Variants in CAAP1 observed in about 807,000 individuals in gnomAD.
CAAP1 encodes the protein caspase activity and apoptosis inhibitor 1.
CAAP1 carries 20 observed loss-of-function variants against 34.0 expected under a neutral mutation model. The ratio of observed to expected loss-of-function variants is 0.59; its 90% CI spans 0.41 to 0.86. The LOEUF (loss-of-function observed/expected upper bound fraction) is 0.86, where lower values mean the gene tolerates loss of function less well. CAAP1 is among the 40% of genes least tolerant of loss of function. CAAP1 has a pLI of 0.00. For missense variants in CAAP1, 538 were observed against 450.5 expected (o/e 1.19, Z -1.76); for synonymous variants, 213 against 166.7 (o/e 1.28, Z -2.14).
intron 4 of CAAP1, among the ~76,000 whole-genome samples, chr9:26,872,573 T>TATATATATATATATATATA (rs1563888449): frequency 8.7e-5 from 13 of 149,638 alleles, no homozygotes; most frequent in African/African-American, 3.2e-4. Flanking sequence ...TATATATATA[T>TATATATATATATATATATA]TTAGACAGAG....
chr9:26,880,895 C>CAA (rs1371816264), intron 4 of CAAP1, among the ~76,000 whole-genome samples: 3 of 152,164 alleles, frequency 2.0e-5, no homozygotes, highest in Non-Finnish European at 4.4e-5. Context: ...ACGCTGGTCT[C>CAA]AAACTCCTGA....
rs758308671 is a variant in CAAP1, at chr9:26,892,645, G to T, written c.71C>A (p.Ala24Glu). ...CAACGCGGGTACGATGTCCGGGGCCGCGAGCGCTGCGGCCGCCTCCTGACT... is the reference window on the plus strand; with the variant it reads ...CAACGCGGGTACGATGTCCGGGGCCTCGAGCGCTGCGGCCGCCTCCTGACT... ...RSSQEAAAAL[A>E]APDIVPALAS... is the part of the protein sequence containing the mutation. Residue 24 changes from alanine to glutamate, a missense_variant, in exon 1 of 6, where the codon GCG (alanine) becomes GAG (glutamate). Physicochemically the swap from Ala to Glu is moderately radical, Grantham distance 107. Coordinates refer to ENST00000333916, the MANE Select transcript of CAAP1 (RefSeq NM_024828.4). The T allele has an allele frequency of 2.5e-6, 4 of 1,608,134 alleles. No homozygotes were observed. Among genetic ancestry groups the T allele is most frequent in the Non-Finnish European group, 2.5e-6 (3 of 1,179,286 alleles).
intron 4 of CAAP1, among the ~76,000 whole-genome samples, chr9:26,874,068 G>T (rs1823354951): frequency 6.6e-6 from 1 of 151,792 alleles, no homozygotes; most frequent in Non-Finnish European, 1.5e-5. Flanking sequence ...TTAGCCGGAT[G>T]TGGTGGCAGG....
intron 4 of CAAP1, among the ~76,000 whole-genome samples, chr9:26,871,001 A>G (rs980315859): frequency 6.6e-6 from 1 of 152,154 alleles, no homozygotes; most frequent in Non-Finnish European, 1.5e-5. Flanking sequence ...TATAGAGCAC[A>G]GTAAATTTTA....
rs150593639 is a variant in CAAP1 at position 26,852,327 on chromosome 9, C to T, written c.739+8739G>A. The stretch of plus-strand genomic sequence containing the variant: ...AAAATTAGCTGGGCGTGGTGGTGTG[C>T]ACCTATAATCCCAACTACTCAGGAG... On this transcript the variant is annotated intron_variant, in intron 5 of 5. Transcript: ENST00000333916. Among the ~76,000 whole-genome samples, 1,048 of 152,052 alleles carry T rather than the reference C, an allele frequency of 6.9e-3. 9 individuals carry two copies. Among genetic ancestry groups the T allele is most frequent in the Admixed American group, 0.014 (210 of 15,268 alleles).
Position 26,892,515 on chromosome 9 carries a change from A to G in CAAP1, c.201T>C (p.Gly67=). 2 of 1,567,750 alleles carry G rather than the reference A, an allele frequency of 1.3e-6. No homozygotes were observed. Residue 67 remains glycine (G), a synonymous_variant, in exon 1 of 6, where the codon GGT becomes GGC. Transcript: ENST00000333916. ...NANFSGSVTG[G]GSGGSCWGGS... ...CGCCCCAACAGCTGCCGCCGCTCCC[A>G]CCGCCGGTGACACTTCCACTAAAAT...
chr9:26,876,062 A>G (rs1017759530), intron 4 of CAAP1, among the ~76,000 whole-genome samples: 3 of 152,214 alleles, frequency 2.0e-5, no homozygotes, highest in African/African-American at 7.2e-5. Flanking sequence ...TAAGTCCAAA[A>G]TAAGTCTTAA....
chr9:26,877,683 G>A (rs1378889841), intron 4 of CAAP1, among the ~76,000 whole-genome samples: 1 of 151,936 alleles, frequency 6.6e-6, no homozygotes, highest in Non-Finnish European at 1.5e-5. Flanking sequence ...TTGACTGGAA[G>A]GCTGCTAAAT....
intron 4 of CAAP1, among the ~76,000 whole-genome samples, chr9:26,877,677 C>T (rs1229351398): frequency 6.6e-6 from 1 of 152,066 alleles, no homozygotes; most frequent in Non-Finnish European, 1.5e-5. Context: ...GTTCTGTTGA[C>T]TGGAAGGCTG....
intron 4 of CAAP1, among the ~76,000 whole-genome samples, chr9:26,875,373 G>A (rs563727258): frequency 6.6e-6 from 1 of 152,026 alleles, no homozygotes; most frequent in Non-Finnish European, 1.5e-5. Context: ...GCAACAGAGT[G>A]AGACCCTGTC....
At chr9:26,845,032 T>C (rs1822565856) in intron 5 of CAAP1, among the ~76,000 whole-genome samples, 1 of 152,248 alleles carries the variant, frequency 6.6e-6, no homozygotes, top group Admixed American at 6.5e-5. Flanking sequence ...ATCAAGTCCC[T>C]GCTCAAATGG....
chr9:26,891,517 A>G (rs971320678), intron 1 of CAAP1, among the ~76,000 whole-genome samples: 3 of 152,346 alleles, frequency 2.0e-5, no homozygotes, highest in African/African-American at 7.2e-5. Flanking sequence ...ACTCTCTCCC[A>G]ACATAACTCT....
chr9:26,861,582 T>G (rs1436602962), intron 4 of CAAP1, among the ~76,000 whole-genome samples: 1 of 152,180 alleles, frequency 6.6e-6, no homozygotes, highest in Non-Finnish European at 1.5e-5. Flanking sequence ...GGAAAATACA[T>G]ATTTTATATG....
chr9:26,867,495 T>C (rs1225906662), intron 4 of CAAP1, among the ~76,000 whole-genome samples: 1 of 152,272 alleles, frequency 6.6e-6, no homozygotes, highest in South Asian at 2.1e-4. Flanking sequence ...AAACTAACAT[T>C]CACAGATTCT....
intron 1 of CAAP1, 194 bp downstream of exon 1, chr9:26,892,219 A>G: frequency 7.1e-7 from 1 of 1,408,000 alleles, no homozygotes; most frequent in Non-Finnish European, 9.3e-7. Flanking sequence ...AGAAACTTGA[A>G]GTTCAAGATT....
At chr9:26,865,054 G>T (rs1823100304) in intron 4 of CAAP1, among the ~76,000 whole-genome samples, 3 of 152,098 alleles carry the variant, frequency 2.0e-5, no homozygotes, top group Admixed American at 2.0e-4. Flanking sequence ...CTTTATATGT[G>T]TCTAAGAGAA....
intron 4 of CAAP1, chr9:26,880,394 G>T: frequency 3.6e-6 from 1 of 276,934 alleles, no homozygotes; most frequent in South Asian, 3.6e-5. Flanking sequence ...AGAAACAACT[G>T]ATTTCATGGA....
At chr9:26,863,346 A>G (rs1002924681) in intron 4 of CAAP1, among the ~76,000 whole-genome samples, 1 of 152,198 alleles carries the variant, frequency 6.6e-6, no homozygotes, top group Non-Finnish European at 1.5e-5. Context: ...GGGAAAAAAA[A>G]TCCCAGAAAG....
intron 5 of CAAP1, among the ~76,000 whole-genome samples, chr9:26,847,122 T>C (rs928646613): frequency 6.6e-6 from 1 of 151,622 alleles, no homozygotes; most frequent in African/African-American, 2.4e-5. Flanking sequence ...GGTCATTTTT[T>C]TTCATCTTAG....
Sources: allele counts gnomAD v4.1 joint callset (sites outside exome capture counted in the v4.1 genomes callset), GRCh38; gene constraint gnomAD v4.1.1; transcripts MANE v1.5; gene names NCBI Gene and HGNC (gene_info 2026-07-23, HGNC 2026-07-21).